The following PLCB4 variants were observed in gnomAD, a reference collection of about 807,000 sequenced individuals.
PLCB4 encodes the protein phospholipase C beta 4, also known as 1-phosphatidylinositol 4,5-bisphosphate phosphodiesterase beta-4.
PLCB4 carries 77 observed loss-of-function variants against 178.8 expected under a neutral mutation model. The ratio of observed to expected loss-of-function variants is 0.43; its 90% CI spans 0.36 to 0.52. The LOEUF is 0.52. Ranked by LOEUF, PLCB4 falls within the 20% of genes least tolerant of loss-of-function variation. The pLI is 0.00. For missense variants in PLCB4, 1,024 were observed against 1,453.4 expected (o/e 0.70, Z 4.80); for synonymous variants, 496 against 490.8 (o/e 1.01, Z -0.14).
intron 33 of PLCB4, among the ~76,000 whole-genome samples, chr20:9,456,244 G>A (rs1228912363): frequency 3.3e-5 from 5 of 152,174 alleles, no homozygotes; most frequent in Non-Finnish European, 7.3e-5. Flanking sequence ...ACAAATGAAA[G>A]GTTTCCCCTT....
At position 9,441,114 on chromosome 20, in the gene PLCB4, C is replaced by T. The variant is rs78999467; in HGVS notation, c.2765-2867C>T. Among the ~76,000 whole-genome samples, 908 of 152,226 alleles carry T rather than the reference C, an allele frequency of 6.0e-3. 3 individuals are homozygous for T. Among genetic ancestry groups the T allele is most frequent in the Non-Finnish European group, 0.01 (713 of 68,028 alleles). Reference sequence around the variant, plus strand: ...ATGCATATTGAATCACTGTGTTGGACGTCTGGGAATGCCTGCATAGGAAAA... The same window carrying T: ...ATGCATATTGAATCACTGTGTTGGATGTCTGGGAATGCCTGCATAGGAAAA... On this transcript the variant is annotated intron_variant, in intron 30 of 39. Coordinates refer to ENST00000378473, the MANE Select transcript of PLCB4 (RefSeq NM_001377142.1).
At chr20:9,325,498 C>G (rs984029822) in intron 4 of PLCB4, among the ~76,000 whole-genome samples, 1 of 152,154 alleles carries the variant, frequency 6.6e-6, no homozygotes, top group Non-Finnish European at 1.5e-5. Flanking sequence ...TGGCAAGAGT[C>G]AGGGAACCCT....
intron 2 of PLCB4, among the ~76,000 whole-genome samples, chr20:9,144,238 A>T (rs192864143): frequency 1.3e-5 from 2 of 152,190 alleles, no homozygotes; most frequent in East Asian, 3.9e-4. Flanking sequence ...TTTAAGGTTG[A>T]TGTCTGGGAG....
chr20:9,376,250 C>G (rs1293324353), intron 12 of PLCB4, among the ~76,000 whole-genome samples: 1 of 152,144 alleles, frequency 6.6e-6, no homozygotes, highest in Non-Finnish European at 1.5e-5. Flanking sequence ...GGGTCCCACC[C>G]AGACCTGCTG....
chr20:9,262,440 A>G (rs1346364981), intron 3 of PLCB4, among the ~76,000 whole-genome samples: 1 of 152,150 alleles, frequency 6.6e-6, no homozygotes. Context: ...GAAGGGAGTT[A>G]CCTGCAAAAG....
At chr20:9,418,679 G>C (rs1359319875) in intron 25 of PLCB4, among the ~76,000 whole-genome samples, 1 of 152,016 alleles carries the variant, frequency 6.6e-6, no homozygotes. Flanking sequence ...ATGAATTTTA[G>C]GATTAGCTTG....
chr20:9,159,173 T>A (rs566788110), intron 2 of PLCB4, among the ~76,000 whole-genome samples: 1 of 152,294 alleles, frequency 6.6e-6, no homozygotes, highest in African/African-American at 2.4e-5. Context: ...GTGATTTTTA[T>A]CCAAGTTATT....
chr20:9,373,030 A>G lies in PLCB4; in HGVS notation c.687-17A>G. ...TCATATACAAAAACTTACTTTTTCT[A>G]ATAAATTTCTTTTCAGCAATGGAGA... is the stretch of plus-strand genomic sequence containing the variant. On this transcript the variant is annotated splice_polypyrimidine_tract_variant and intron_variant, in intron 11 of 39. Coordinates refer to ENST00000378473, the MANE Select transcript of PLCB4 (RefSeq NM_001377142.1). 2.4e-6 allele frequency: 3 copies of G among 1,269,332 alleles called. No individual in the cohort carries two copies. Among genetic ancestry groups the G allele is most frequent in the Non-Finnish European group, 3.4e-6 (3 of 870,754 alleles). The allele number at this position is 1,269,332 out of a possible 1,614,324, so 78.6% of individuals were successfully genotyped here. A position where few individuals can be genotyped will look rare whatever the true frequency, so the allele number is the denominator to read the frequency against.
intron 2 of PLCB4, among the ~76,000 whole-genome samples, chr20:9,132,658 A>G (rs1278832349): frequency 6.6e-6 from 1 of 152,168 alleles, no homozygotes; most frequent in African/African-American, 2.4e-5. Context: ...ATGGACACAG[A>G]TATGTGGATT....
intron 3 of PLCB4, among the ~76,000 whole-genome samples, chr20:9,226,193 A>T (rs909001843): frequency 1.3e-5 from 2 of 152,136 alleles, no homozygotes; most frequent in African/African-American, 4.8e-5. Flanking sequence ...TTTTATAGTG[A>T]CCATTCAGGT....
intron 35 of PLCB4, among the ~76,000 whole-genome samples, chr20:9,463,056 A>G (rs185605110): frequency 5.3e-4 from 81 of 152,354 alleles, no homozygotes; most frequent in Non-Finnish European, 1.5e-5. Context: ...CTATCAGACT[A>G]ACAGCGGACC....
intron 2 of PLCB4, among the ~76,000 whole-genome samples, chr20:9,179,730 G>A (rs1456780271): frequency 6.6e-6 from 1 of 152,146 alleles, no homozygotes; most frequent in East Asian, 1.9e-4. Flanking sequence ...GCTTGTTTTA[G>A]TGAATGAGAG....
chr20:9,331,469 GA>G (rs753130529), intron 4 of PLCB4, among the ~76,000 whole-genome samples: 12 of 152,168 alleles, frequency 7.9e-5, no homozygotes, highest in Admixed American at 1.3e-4. Context: ...GGGCAAGAGA[GA>G]AAGGGTAAGA....
At chr20:9,222,928 A>C (rs1045171459) in intron 3 of PLCB4, among the ~76,000 whole-genome samples, 2 of 152,188 alleles carry the variant, frequency 1.3e-5, no homozygotes, top group African/African-American at 4.8e-5. Context: ...AGAGAGAGTG[A>C]GCTGATCTGT....
intron 32 of PLCB4, among the ~76,000 whole-genome samples, chr20:9,451,034 C>T (rs570350208): frequency 6.6e-5 from 10 of 152,276 alleles, no homozygotes; most frequent in African/African-American, 2.2e-4. Context: ...ATTGGCTGAG[C>T]TGGGACCAGA....
intron 25 of PLCB4, among the ~76,000 whole-genome samples, chr20:9,411,638 A>G (rs920854109): frequency 6.6e-6 from 1 of 152,138 alleles, no homozygotes; most frequent in Non-Finnish European, 1.5e-5. Context: ...AAAACTGTGA[A>G]CCAAGAAGTG....
intron 2 of PLCB4, among the ~76,000 whole-genome samples, chr20:9,139,269 C>T (rs769565914): frequency 7.9e-5 from 12 of 152,050 alleles, no homozygotes; most frequent in African/African-American, 1.2e-4. Flanking sequence ...ACAACCACCA[C>T]CATTTAGTGC....
chr20:9,228,178 C>G (rs2093889836), intron 3 of PLCB4, among the ~76,000 whole-genome samples: 1 of 152,164 alleles, frequency 6.6e-6, no homozygotes, highest in South Asian at 2.1e-4. Flanking sequence ...TAGACACTGT[C>G]CTGATTTATG....
At chr20:9,472,332 A>G (rs2122658909) in intron 36 of PLCB4, among the ~76,000 whole-genome samples, 1 of 152,342 alleles carries the variant, frequency 6.6e-6, no homozygotes, top group Admixed American at 6.5e-5. Flanking sequence ...GGTTTTTATC[A>G]TCTCTCCAGG....
Sources: allele counts gnomAD v4.1 joint callset (sites outside exome capture counted in the v4.1 genomes callset), GRCh38; gene constraint gnomAD v4.1.1; transcripts MANE v1.5; gene names NCBI Gene and HGNC (gene_info 2026-07-23, HGNC 2026-07-21).